NEK11: variants seen among roughly 807,000 people sequenced by gnomAD.
NEK11 encodes the protein serine/threonine-protein kinase Nek11.
NEK11 carries 72 observed loss-of-function variants against 80.7 expected under a neutral mutation model. That is an observed-to-expected ratio of 0.89 (90% confidence interval 0.74 to 1.08). The LOEUF is 1.08. NEK11 is among the 50% of genes least tolerant of loss of function. NEK11 has a pLI of 0.00. For synonymous variants in NEK11, 251 were observed against 260.7 expected (o/e 0.96, Z 0.36); for missense variants, 764 against 763.6 (o/e 1.00, Z -0.01).
chr3:131,281,744 G>A (rs1438605579), intron 17 of NEK11, among the ~76,000 whole-genome samples: 1 of 152,180 alleles, frequency 6.6e-6, no homozygotes, highest in Non-Finnish European at 1.5e-5. Flanking sequence ...CACAAAGTAC[G>A]TTATCAAACT....
intron 17 of NEK11, among the ~76,000 whole-genome samples, chr3:131,318,907 A>G (rs141741163): frequency 2.0e-5 from 3 of 151,988 alleles, no homozygotes; most frequent in East Asian, 1.9e-4. Context: ...CATTAATATC[A>G]TTTTTTATTT....
At chr3:131,286,233 A>G (rs1263259996) in intron 17 of NEK11, among the ~76,000 whole-genome samples, 1 of 152,174 alleles carries the variant, frequency 6.6e-6, no homozygotes, top group Non-Finnish European at 1.5e-5. Flanking sequence ...GCTCTTATCA[A>G]CTGCAAAACA....
chr3:131,059,003 A>G (rs185993789), intron 3 of NEK11, among the ~76,000 whole-genome samples: 4 of 152,310 alleles, frequency 2.6e-5, no homozygotes, highest in African/African-American at 2.4e-5. Flanking sequence ...ATTTGGTTTT[A>G]TAGTAGTTCT....
chr3:131,343,486 T>A (rs543413193), intron 17 of NEK11, among the ~76,000 whole-genome samples: 50 of 152,296 alleles, frequency 3.3e-4, no homozygotes, highest in Admixed American at 2.5e-3. Context: ...ACAGGTGAAG[T>A]CATTGGCTGA....
rs755748174 is a variant in NEK11, at chr3:131,258,778, A to C, written c.1622-14700A>C. ...GAAATAACCATAATAAAAATATTTT[A>C]TTTTCTATCTTCTGGTATTTATCAT... On this transcript the variant is annotated intron_variant, in intron 16 of 17. Coordinates refer to ENST00000383366, the MANE Select transcript of NEK11 (RefSeq NM_024800.5). Among the ~76,000 whole-genome samples, 1,473 of 152,218 alleles carry C rather than the reference A, an allele frequency of 9.7e-3. 17 individuals carry two copies. Among genetic ancestry groups the C allele is most frequent in the African/African-American group, 0.032 (1,318 of 41,532 alleles).
intron 14 of NEK11, among the ~76,000 whole-genome samples, chr3:131,204,031 G>A (rs923968681): frequency 4.6e-5 from 7 of 151,756 alleles, no homozygotes; most frequent in Non-Finnish European, 1.0e-4. Flanking sequence ...AGGCCAAATG[G>A]AATCTGAACA....
At chr3:131,243,837 C>T (rs1273771648) in intron 16 of NEK11, among the ~76,000 whole-genome samples, 1 of 152,018 alleles carries the variant, frequency 6.6e-6, no homozygotes, top group Admixed American at 6.6e-5. Context: ...GCAGAGAGCA[C>T]AGTACATTCA....
intron 14 of NEK11, among the ~76,000 whole-genome samples, chr3:131,203,100 C>T (rs2094304625): frequency 6.6e-6 from 1 of 152,114 alleles, no homozygotes; most frequent in African/African-American, 2.4e-5. Flanking sequence ...AAGGATTATA[C>T]ATCATGCTAC....
rs181916629 is a variant in NEK11, at chr3:131,212,139, A to T, written c.1400-16389A>T. ...GATCTTTGATGATGGTGACCTACAG[A>T]TGCGGTTTTGGTGTGCATGTCCTTT... On this transcript the variant is annotated intron_variant, in intron 14 of 17. Coordinates refer to ENST00000383366, the MANE Select transcript of NEK11 (RefSeq NM_024800.5). Among the ~76,000 whole-genome samples the T allele has an allele frequency of 1.0e-3, 157 of 152,172 alleles. 7 individuals carry two copies. Among genetic ancestry groups the T allele is most frequent in the Admixed American group, 8.1e-3 (124 of 15,282 alleles).
rs2150339609 is a variant in NEK11, at chr3:131,196,921, G to A, written c.1399+26034G>A. On this transcript the variant is annotated intron_variant, in intron 14 of 17. Coordinates refer to ENST00000383366, the MANE Select transcript of NEK11 (RefSeq NM_024800.5). ...AAAACAGAGCTCCCATACAAAGGGA[G>A]GGGACCCAAAAATGGTAGCCATTGC... Among the ~76,000 whole-genome samples, 3 of 151,816 alleles carry A rather than the reference G, an allele frequency of 2.0e-5. No homozygotes were observed. In the South Asian group the frequency reaches 6.2e-4, roughly 32 times the overall value.
At chr3:131,138,742 A>C (rs1368494303) in intron 7 of NEK11, among the ~76,000 whole-genome samples, 1 of 152,152 alleles carries the variant, frequency 6.6e-6, no homozygotes, top group Admixed American at 6.5e-5. Context: ...TTGCCTTGTA[A>C]TCCAAAGAAT....
rs527623308 is a variant in NEK11 at position 131,040,161 on chromosome 3, C to T, written c.170+10283C>T. Among the ~76,000 whole-genome samples the T allele has an allele frequency of 1.1e-4, 16 of 152,160 alleles. No individual in the cohort carries two copies. In the East Asian group the frequency reaches 1.9e-3, roughly 18 times the overall value. On this transcript the variant is annotated intron_variant, in intron 3 of 17. Transcript: ENST00000383366. ...ATTGAATTTCCATTCCGTAGTTTAA[C>T]GAGAACACTTTTTATTTCTCAGATA...
At chr3:131,242,365 C>T (rs1333361777) in intron 15 of NEK11, among the ~76,000 whole-genome samples, 1 of 152,120 alleles carries the variant, frequency 6.6e-6, no homozygotes, top group Non-Finnish European at 1.5e-5. Context: ...CTTCCCAGCA[C>T]TTGGCTGAGA....
chr3:131,244,315 A>G (rs1398470429), intron 16 of NEK11, among the ~76,000 whole-genome samples: 2 of 152,074 alleles, frequency 1.3e-5, no homozygotes, highest in Non-Finnish European at 2.9e-5. Context: ...TCATAACATA[A>G]GTCTTTGATT....
intron 3 of NEK11, among the ~76,000 whole-genome samples, chr3:131,041,800 C>T (rs565118314): frequency 2.0e-5 from 3 of 152,274 alleles, no homozygotes; most frequent in South Asian, 4.1e-4. Flanking sequence ...ATTCAAAAGG[C>T]GATTCCAGGG....
At chr3:131,141,963 C>T (rs889155562) in intron 7 of NEK11, among the ~76,000 whole-genome samples, 6 of 152,146 alleles carry the variant, frequency 3.9e-5, no homozygotes, top group African/African-American at 9.7e-5. Flanking sequence ...AGCTTTGCTG[C>T]GGTAACAAAG....
At chr3:131,139,620 G>C (rs1468429738) in intron 7 of NEK11, among the ~76,000 whole-genome samples, 2 of 152,176 alleles carry the variant, frequency 1.3e-5, no homozygotes, top group East Asian at 3.8e-4. Context: ...TTAATTCTGT[G>C]GGAGAGCAGG....
At chr3:131,137,643 T>C (rs963274715) in intron 7 of NEK11, among the ~76,000 whole-genome samples, 2 of 152,148 alleles carry the variant, frequency 1.3e-5, no homozygotes, top group African/African-American at 4.8e-5. Context: ...TGAAGTATAT[T>C]TGAACATTAA....
chr3:131,152,823 G>A, intron 9 of NEK11, 114 bp downstream of exon 9: 1 of 780,408 alleles, frequency 1.3e-6, no homozygotes, highest in South Asian at 1.8e-5. Context: ...CAGAAAGGAG[G>A]AAAAAGGCCA....
Sources: allele counts gnomAD v4.1 joint callset (sites outside exome capture counted in the v4.1 genomes callset), GRCh38; gene constraint gnomAD v4.1.1; transcripts MANE v1.5; gene names NCBI Gene and HGNC (gene_info 2026-07-23, HGNC 2026-07-21).